Variants in SPATS2 observed in about 807,000 individuals in gnomAD.
SPATS2 encodes spermatogenesis-associated serine-rich protein 2.
SPATS2 carries 38 observed loss-of-function variants against 63.7 expected under a neutral mutation model. The observed-to-expected ratio is 0.60, with a 90% CI of 0.46 to 0.78. The LOEUF (loss-of-function observed/expected upper bound fraction) is 0.78, where lower values mean the gene tolerates loss of function less well. Among genes scored for constraint, SPATS2 ranks in the 30% least tolerant of loss-of-function variants. The pLI is 0.00. For missense variants in SPATS2, 588 were observed against 666.2 expected, an observed-to-expected ratio of 0.88 and a Z score of 1.29; for synonymous variants, 207 against 232.9, an observed-to-expected ratio of 0.89 and a Z score of 1.01.
chr12:49,515,867 C>T (rs549080751), intron 10 of SPATS2, among the ~76,000 whole-genome samples: 7 of 151,916 alleles, frequency 4.6e-5, no homozygotes, highest in South Asian at 2.1e-4. Flanking sequence ...TAAGGCTGGG[C>T]GCAGTGGCTC....
chr12:49,482,965 T>A (rs1946230452), intron 3 of SPATS2, among the ~76,000 whole-genome samples: 1 of 151,510 alleles, frequency 6.6e-6, no homozygotes, highest in African/African-American at 2.4e-5. Flanking sequence ...ATTTTTCTCC[T>A]TTTTATAGAG....
chr12:49,423,802 C>G (rs1466207796), intron 2 of SPATS2, among the ~76,000 whole-genome samples: 7 of 151,972 alleles, frequency 4.6e-5, no homozygotes, highest in Non-Finnish European at 8.8e-5. Flanking sequence ...TTCTGAGAAA[C>G]CTATGATTTA....
intron 10 of SPATS2, among the ~76,000 whole-genome samples, chr12:49,517,411 CT>C (rs1161208517): frequency 3.9e-5 from 6 of 152,168 alleles, no homozygotes; most frequent in Non-Finnish European, 1.5e-5. Flanking sequence ...TTTAAAACTT[CT>C]GTTTTTTTCT....
chr12:49,425,894 A>G (rs989225508), intron 2 of SPATS2, among the ~76,000 whole-genome samples: 3 of 152,202 alleles, frequency 2.0e-5, no homozygotes, highest in African/African-American at 7.2e-5. Context: ...TGGCCTCCCA[A>G]AGTGCTGGGA....
intron 2 of SPATS2, among the ~76,000 whole-genome samples, chr12:49,447,292 G>A (rs1945529646): frequency 6.6e-6 from 1 of 151,066 alleles, no homozygotes; most frequent in Non-Finnish European, 1.5e-5. Context: ...AGGTTGGAGT[G>A]CAGTGGTGCA....
intron 2 of SPATS2, among the ~76,000 whole-genome samples, chr12:49,416,312 C>T (rs915379555): frequency 3.3e-5 from 5 of 151,976 alleles, no homozygotes; most frequent in African/African-American, 1.2e-4. Context: ...GTCATTATCT[C>T]AGAGGGATCC....
intron 3 of SPATS2, among the ~76,000 whole-genome samples, chr12:49,465,995 A>T (rs1945907713): frequency 6.6e-6 from 1 of 151,192 alleles, no homozygotes; most frequent in East Asian, 1.9e-4. Context: ...TTAAATTTTG[A>T]TGAAGCCCAA....
intron 11 of SPATS2, 65 bp from the exon 12 acceptor site, chr12:49,522,686 G>A: frequency 1.5e-6 from 2 of 1,301,846 alleles, no homozygotes; most frequent in Non-Finnish European, 2.2e-6. Context: ...AATCTGTATA[G>A]CAAGTTATAG....
chr12:49,461,115 G>C, intron 3 of SPATS2, 78 bp downstream of exon 3: 1 of 1,477,400 alleles, frequency 6.8e-7, no homozygotes, highest in South Asian at 1.2e-5. Context: ...TTTAAAAACT[G>C]TCCTTCTAAT....
intron 6 of SPATS2, among the ~76,000 whole-genome samples, chr12:49,492,864 G>A (rs1383869426): frequency 3.3e-5 from 5 of 152,080 alleles, no homozygotes; most frequent in African/African-American, 1.2e-4. Flanking sequence ...GGGAGGTCGA[G>A]GCAGGTGGAT....
At chr12:49,490,603 A>G (rs1313526876) in intron 5 of SPATS2, 79 bp from the exon 6 acceptor site, 1 of 1,350,254 alleles carries the variant, frequency 7.4e-7, no homozygotes, top group African/African-American at 1.4e-5. Flanking sequence ...CAGCAATTAC[A>G]AAATGGGAGG....
At chr12:49,447,546 A>G (rs1342346146) in intron 2 of SPATS2, among the ~76,000 whole-genome samples, 2 of 152,028 alleles carry the variant, frequency 1.3e-5, no homozygotes, top group Non-Finnish European at 2.9e-5. Context: ...CTGTTCTTCT[A>G]TTTTCTAAAA....
intron 10 of SPATS2, among the ~76,000 whole-genome samples, chr12:49,515,196 T>C (rs1946818149): frequency 6.6e-6 from 1 of 152,218 alleles, no homozygotes; most frequent in Non-Finnish European, 1.5e-5. Context: ...TGTGGGGTTT[T>C]GTACAGAAAA....
At chr12:49,430,179 C>T (rs761855824) in intron 2 of SPATS2, among the ~76,000 whole-genome samples, 1 of 147,902 alleles carries the variant, frequency 6.8e-6, no homozygotes, top group African/African-American at 2.5e-5. Flanking sequence ...TGGCGCACTG[C>T]AAGGTCTGCC....
At chr12:49,394,110 G>A (rs946674775) in intron 2 of SPATS2, among the ~76,000 whole-genome samples, 18 of 152,200 alleles carry the variant, frequency 1.2e-4, no homozygotes, top group African/African-American at 4.3e-4. Context: ...CACTTTGGGA[G>A]GCCATAGTGG....
intron 2 of SPATS2, among the ~76,000 whole-genome samples, chr12:49,403,635 AC>A (rs1565704933): frequency 1.7e-4 from 25 of 150,382 alleles, no homozygotes; most frequent in Middle Eastern, 6.8e-3. Flanking sequence ...ACACACACAC[AC>A]ACACAAACAA....
chr12:49,511,854 A>G (rs75190568), intron 9 of SPATS2, among the ~76,000 whole-genome samples: 3,525 of 152,224 alleles, frequency 0.023, 129 homozygotes, highest in African/African-American at 0.08. Context: ...TTCTCCATTT[A>G]TTTTGTGATG....
rs1469916642 is a variant in SPATS2, at chr12:49,469,555, A to AG, written c.25+8518_25+8519insG. The AG allele has an allele frequency of 1.6e-5, 7 of 431,240 alleles. No homozygotes were observed. In the East Asian group the frequency reaches 4.9e-4, roughly 30 times the overall value. The allele number at this position is 431,240 out of a possible 1,614,324, so 26.7% of individuals were successfully genotyped here. A position where few individuals can be genotyped will look rare whatever the true frequency, so the allele number is the denominator to read the frequency against. On this transcript the variant is annotated intron_variant, in intron 3 of 13. Coordinates refer to ENST00000552918, the MANE Select transcript of SPATS2 (RefSeq NM_023071.4). ...GGGCTGGGTCTCTAAAAAAAAAAAA[A>AG]AAAAAAAAAGAAAAAACAAAGTAAA...
rs757600537 is a variant in SPATS2 at position 49,519,159 on chromosome 12, G to A, written c.985G>A (p.Val329Ile). The A allele has an allele frequency of 3.7e-6, 6 of 1,613,870 alleles. No homozygotes were observed. In the South Asian group the frequency reaches 6.6e-5, roughly 18 times the overall value. ...VAVQMSEQQLVELRADIKHFV... is the reference protein window; with the variant it reads ...VAVQMSEQQLIELRADIKHFV... Reference sequence around the variant, plus strand: ...TGTTCAAATGTCAGAGCAGCAATTGGTTGAGCTCAGAGCTGATATCAAGGT... The same window carrying A: ...TGTTCAAATGTCAGAGCAGCAATTGATTGAGCTCAGAGCTGATATCAAGGT... Residue 329 changes from valine (V) to isoleucine (I), a missense_variant, in exon 11 of 14, where the codon GTT becomes ATT. Transcript: ENST00000552918.
Sources: gnomAD v4.1 joint callset for allele counts (sites outside exome capture counted in the v4.1 genomes callset) on GRCh38, gnomAD v4.1.1 for gene constraint, MANE v1.5 for transcripts, NCBI Gene and HGNC (gene_info 2026-07-23, HGNC 2026-07-21) for gene names.